Variants in USP10 observed in about 807,000 individuals in gnomAD.
USP10 encodes the protein ubiquitin specific peptidase 10.
USP10 carries 22 observed loss-of-function variants against 84.5 expected under a neutral mutation model. The ratio of observed to expected loss-of-function variants is 0.26; its 90% CI spans 0.19 to 0.37. USP10 has a LOEUF of 0.37. Ranked by LOEUF, USP10 falls within the 10% of genes least tolerant of loss-of-function variation. The pLI, the probability that USP10 is intolerant of heterozygous loss-of-function variation, is 1.00. For synonymous variants in USP10, 454 were observed against 387.6 expected, an observed-to-expected ratio of 1.17 and a Z score of -2.01; for missense variants, 1,019 against 998.9, an observed-to-expected ratio of 1.02 and a Z score of -0.27.
intron 1 of USP10, among the ~76,000 whole-genome samples, chr16:84,724,596 C>G (rs757148880): frequency 2.0e-5 from 3 of 152,186 alleles, no homozygotes; most frequent in South Asian, 2.1e-4. Flanking sequence ...TTGCTATAGC[C>G]CTATTAGTGA....
At chr16:84,775,049 T>C in intron 12 of USP10, 111 bp from the exon 13 acceptor site, 1 of 900,014 alleles carries the variant, frequency 1.1e-6, no homozygotes, top group South Asian at 1.3e-5. Flanking sequence ...GTTTTGTTCC[T>C]GGTCTGACAG....
At position 84,763,895 on chromosome 16, in the gene USP10, A is replaced by G. The variant is rs140389211; in HGVS notation, c.1655-191A>G. On this transcript the variant is annotated intron_variant, in intron 9 of 13. Transcript: ENST00000219473. ...TGTTGCGATTGGTTGCCGTGGATCC[A>G]GTGACATTGTGCCTGTTGCGATTGG... Among the ~76,000 whole-genome samples the G allele has an allele frequency of 4.8e-4, 72 of 148,706 alleles. 2 individuals are homozygous for G. The East Asian group carries it at 0.013, about 27-fold the overall frequency.
At chr16:84,724,264 G>GAATC (rs1908175288) in intron 1 of USP10, among the ~76,000 whole-genome samples, 1 of 152,142 alleles carries the variant, frequency 6.6e-6, no homozygotes, top group South Asian at 2.1e-4. Flanking sequence ...TCTGTTAAGT[G>GAATC]AATCATGTTT....
chr16:84,705,694 A>T (rs1038160673), intron 1 of USP10, among the ~76,000 whole-genome samples: 2 of 149,010 alleles, frequency 1.3e-5, no homozygotes, highest in African/African-American at 4.9e-5. Context: ...TTGAGTACAG[A>T]CATAATCATG....
Position 84,770,269 on chromosome 16 carries a change from A to G in USP10, c.1998+1911A>G, listed in dbSNP as rs187666709. On this transcript the variant is annotated intron_variant, in intron 11 of 13. Coordinates refer to ENST00000219473, the MANE Select transcript of USP10 (RefSeq NM_005153.3). Reference sequence around the variant, plus strand: ...AGCAGATGTTTCAGGAAGATTTGGGACAGCTTGTATGGAAGTATCTATAAG... The same window carrying G: ...AGCAGATGTTTCAGGAAGATTTGGGGCAGCTTGTATGGAAGTATCTATAAG... Among the ~76,000 whole-genome samples the G allele has an allele frequency of 1.7e-3, 260 of 152,258 alleles. 1 individual carries two copies. Among genetic ancestry groups the G allele is most frequent in the African/African-American group, 6.0e-3 (250 of 41,534 alleles).
At chr16:84,775,727 T>A (rs1410939558) in intron 13 of USP10, among the ~76,000 whole-genome samples, 1 of 152,152 alleles carries the variant, frequency 6.6e-6, no homozygotes, top group African/African-American at 2.4e-5. Flanking sequence ...ATGAGAAATC[T>A]CCCAACAGGG....
intron 4 of USP10, among the ~76,000 whole-genome samples, chr16:84,752,707 C>T (rs1432045544): frequency 6.6e-6 from 1 of 152,186 alleles, no homozygotes; most frequent in Non-Finnish European, 1.5e-5. Context: ...GGAATTAGAA[C>T]TGCTTTTGCA....
At chr16:84,766,386 GAC>G (rs779045059) in intron 10 of USP10, among the ~76,000 whole-genome samples, 2 of 152,234 alleles carry the variant, frequency 1.3e-5, no homozygotes, top group African/African-American at 2.4e-5. Flanking sequence ...ACCCAGCCCT[GAC>G]CACTGTCTGT....
chr16:84,742,576 C>A (rs1452209526), intron 3 of USP10, among the ~76,000 whole-genome samples: 1 of 152,202 alleles, frequency 6.6e-6, no homozygotes, highest in Non-Finnish European at 1.5e-5. Context: ...GTTTTAAGAG[C>A]CTCTGCCTGC....
intron 1 of USP10, among the ~76,000 whole-genome samples, chr16:84,719,282 A>C (rs972444022): frequency 3.9e-5 from 6 of 152,106 alleles, no homozygotes; most frequent in Non-Finnish European, 8.8e-5. Context: ...CTGAATGGAG[A>C]AGTAGCTCCC....
At chr16:84,772,726 C>G (rs1227472688) in intron 12 of USP10, 41 bp downstream of exon 12, 8 of 1,608,180 alleles carry the variant, frequency 5.0e-6, no homozygotes, top group South Asian at 1.1e-5. Flanking sequence ...TGGTGACACA[C>G]TCCTGCACAT....
chr16:84,777,899 G>A (rs375923938), intron 13 of USP10, among the ~76,000 whole-genome samples: 8 of 152,354 alleles, frequency 5.3e-5, no homozygotes, highest in African/African-American at 1.9e-4. Flanking sequence ...CCCGCGGAAT[G>A]CTGCCGGACA....
intron 4 of USP10, among the ~76,000 whole-genome samples, chr16:84,756,881 T>G (rs1912604725): frequency 6.6e-6 from 1 of 152,210 alleles, no homozygotes. Flanking sequence ...TCAATAGACT[T>G]TAAGCCTGTG....
intron 1 of USP10, 76 bp downstream of exon 1, chr16:84,700,187 CGCGCCCTGCCCGGAGCGAGCGTGT>C (rs1330636543): frequency 4.5e-6 from 5 of 1,117,814 alleles, no homozygotes; most frequent in Non-Finnish European, 5.6e-6. Flanking sequence ...GGCGGGCGTC[CGCGCCCTGCCCGGAGCGAGCGTGT>C]GGGAGTGGGG....
intron 11 of USP10, among the ~76,000 whole-genome samples, chr16:84,768,950 C>T (rs1412737003): frequency 3.3e-5 from 5 of 152,110 alleles, no homozygotes; most frequent in African/African-American, 4.8e-5. Flanking sequence ...CTCAGTTGGG[C>T]GAGACGGATA....
chr16:84,706,325 A>T (rs1905498466), intron 1 of USP10, among the ~76,000 whole-genome samples: 1 of 152,120 alleles, frequency 6.6e-6, no homozygotes, highest in African/African-American at 2.4e-5. Flanking sequence ...AACTTCTGAT[A>T]CATTAAAACA....
rs773350766 is a variant in USP10 at position 84,733,493 on chromosome 16, C to G, written c.80C>G (p.Ser27Cys). Residue 27 changes from serine to cysteine, a missense_variant, in exon 2 of 14, where the codon TCT becomes TGT. By Grantham distance (112) the Ser-to-Cys change is moderately radical. Around this residue, in one of 2 missense-constraint regions of USP10, gnomAD observed 787 missense variants for 708.8 expected, o/e 1.11. Coordinates refer to ENST00000219473, the MANE Select transcript of USP10 (RefSeq NM_005153.3). ...AATCAATTCTTTGTGACTCCTCGAT[C>G]TTCAGTTGAGGTAAGACAAAACTTT... ...EFNQFFVTPRSSVELPPYSGT... is the reference protein window; with the variant it reads ...EFNQFFVTPRCSVELPPYSGT... The G allele has an allele frequency of 6.2e-7, 1 of 1,609,338 alleles. No homozygotes were observed. The highest frequency in any genetic ancestry group is 8.5e-7 in the Non-Finnish European group (1 of 1,178,704).
chr16:84,701,857 A>C (rs893557768), intron 1 of USP10, among the ~76,000 whole-genome samples: 11 of 152,044 alleles, frequency 7.2e-5, no homozygotes, highest in African/African-American at 2.7e-4. Context: ...ATTCTTTTAA[A>C]GTATGATTTA....
Position 84,758,822 on chromosome 16 carries a change from C to T in USP10, c.1284+15C>T, listed in dbSNP as rs7202832. The T allele has an allele frequency of 0.44, 700,190 of 1,600,506 alleles. 163,463 individuals are homozygous for T. The highest frequency in any genetic ancestry group is 0.49 in the Non-Finnish European group (572,122 of 1,168,140). ...ACATTAATGCTGTATCCTTCCTGGACGCCGTCCGCAAGGCCAGCTTGTTGC... is the reference window on the plus strand; with the variant it reads ...ACATTAATGCTGTATCCTTCCTGGATGCCGTCCGCAAGGCCAGCTTGTTGC... On this transcript the variant is annotated intron_variant, in intron 5 of 13. Transcript: ENST00000219473.
Sources: gnomAD v4.1 joint callset for allele counts (sites outside exome capture counted in the v4.1 genomes callset) on GRCh38, gnomAD v4.1.1 for gene constraint, gnomAD v4.1.1 regional missense constraint, MANE v1.5 for transcripts, NCBI Gene and HGNC (gene_info 2026-07-23, HGNC 2026-07-21) for gene names.